Variants in PRUNE1 observed in about 807,000 individuals in gnomAD.
The protein encoded by PRUNE1 is exopolyphosphatase PRUNE1.
In PRUNE1, 25 loss-of-function variants were observed where a neutral mutation model predicts 42.5. The observed-to-expected ratio is 0.59, with a 90% confidence interval of 0.43 to 0.82. The LOEUF (loss-of-function observed/expected upper bound fraction) is 0.82, where lower values mean the gene tolerates loss of function less well. Ranked by LOEUF, PRUNE1 falls within the 40% of genes least tolerant of loss-of-function variation. PRUNE1 has a pLI of 0.00. For missense variants in PRUNE1, 443 were observed against 539.3 expected (o/e 0.82, Z 1.77); for synonymous variants, 203 against 217.1 (o/e 0.93, Z 0.57).
rs746819002 is a variant in PRUNE1, at chr1:151,034,449, TTTA to T, written c.*221_*223del. 3 of 548,128 alleles carry T rather than the reference TTTA, an allele frequency of 5.5e-6. No homozygotes were observed. The highest frequency in any genetic ancestry group is 3.2e-6 in the Non-Finnish European group (1 of 309,560). The allele number at this position is 548,128 out of a possible 1,614,324, so 34.0% of individuals were successfully genotyped here. A position where few individuals can be genotyped will look rare whatever the true frequency, so the allele number is the denominator to read the frequency against. On this transcript the variant is annotated 3_prime_UTR_variant, in exon 8 of 8. Transcript: ENST00000271620. Reference sequence around the variant, plus strand: ...CCTAATCTCTACCAATCAGACACATTTTATTATTTAAATCTGCACCTCTCTCTA... The same window carrying T: ...CCTAATCTCTACCAATCAGACACATTTTATTTAAATCTGCACCTCTCTCTA...
intron 1 of PRUNE1, among the ~76,000 whole-genome samples, chr1:151,013,836 A>G (rs1432002253): frequency 6.6e-6 from 1 of 152,224 alleles, no homozygotes; most frequent in Non-Finnish European, 1.5e-5. Flanking sequence ...CAGGAAACAG[A>G]GGTCTCTGGT....
At position 151,027,253 on chromosome 1, in the gene PRUNE1, C is replaced by T; in HGVS notation, c.700C>T (p.Leu234=). The change falls in exon 6 of 8, where the codon CTG becomes TTG. Residue 234 remains leucine (L), a synonymous_variant. Coordinates refer to ENST00000271620, the MANE Select transcript of PRUNE1 (RefSeq NM_021222.3). ...TCTAGGACTGACCACTGAGCAGATGCTGAGAAAAGACCAGAAGACTATCTA... is the reference window on the plus strand; with the variant it reads ...TCTAGGACTGACCACTGAGCAGATGTTGAGAAAAGACCAGAAGACTATCTA... ...DVSGLTTEQM[L]RKDQKTIYRQ... is the part of the protein sequence containing the mutation. 1 of 1,610,374 alleles carries T rather than the reference C, an allele frequency of 6.2e-7. No homozygotes were observed. Among genetic ancestry groups the T allele is most frequent in the Non-Finnish European group, 8.5e-7 (1 of 1,176,814 alleles).
chr1:151,027,359 A>G, intron 6 of PRUNE1, 32 bp downstream of exon 6: 2 of 1,512,200 alleles, frequency 1.3e-6, no homozygotes, highest in Non-Finnish European at 9.2e-7. Context: ...GGGTGGGGAG[A>G]GAAAGCCTTT....
chr1:151,017,014 G>A (rs1430046054), intron 1 of PRUNE1, among the ~76,000 whole-genome samples: 1 of 150,186 alleles, frequency 6.7e-6, no homozygotes, highest in East Asian at 2.0e-4. Flanking sequence ...TACAAAATTA[G>A]CTAGGTGTGG....
chr1:151,010,516 G>C (rs1673710220), intron 1 of PRUNE1, among the ~76,000 whole-genome samples: 1 of 152,044 alleles, frequency 6.6e-6, no homozygotes, highest in South Asian at 2.1e-4. Flanking sequence ...TTTCAAACTT[G>C]TGAACTTGTG....
At chr1:151,008,828 G>C in intron 1 of PRUNE1, 157 bp downstream of exon 1, 1 of 941,400 alleles carries the variant, frequency 1.1e-6, no homozygotes, top group Non-Finnish European at 1.7e-6. Context: ...CATGAGGAGC[G>C]AGGAGCGAGA....
At chr1:151,031,443 T>TC (rs1223620488) in intron 7 of PRUNE1, among the ~76,000 whole-genome samples, 1 of 152,128 alleles carries the variant, frequency 6.6e-6, no homozygotes, top group Non-Finnish European at 1.5e-5. Flanking sequence ...AGCCTCAGCT[T>TC]CCCAGAGTTC....
intron 1 of PRUNE1, among the ~76,000 whole-genome samples, chr1:151,013,669 C>G (rs971483630): frequency 2.6e-5 from 4 of 152,144 alleles, no homozygotes; most frequent in Non-Finnish European, 2.9e-5. Context: ...TGTTTTTCCT[C>G]CAGTCAGGGC....
chr1:151,030,220 G>C (rs587670230), intron 7 of PRUNE1, among the ~76,000 whole-genome samples: 2 of 143,494 alleles, frequency 1.4e-5, no homozygotes, highest in Non-Finnish European at 3.0e-5. Flanking sequence ...CCGAGATTGC[G>C]CCACTGTACT....
intron 1 of PRUNE1, among the ~76,000 whole-genome samples, chr1:151,015,764 A>G (rs1045545913): frequency 6.6e-6 from 1 of 151,330 alleles, no homozygotes; most frequent in Non-Finnish European, 1.5e-5. Flanking sequence ...TGATTGCGCC[A>G]TGCACTCCAG....
chr1:151,027,491 A>C (rs1159837344), intron 6 of PRUNE1, among the ~76,000 whole-genome samples, 164 bp downstream of exon 6: 1 of 151,604 alleles, frequency 6.6e-6, no homozygotes, highest in Non-Finnish European at 1.5e-5. Flanking sequence ...CTCTCACTGC[A>C]CCGCTGTATT....
chr1:151,017,867 C>T lies in PRUNE1; in HGVS notation c.95C>T (p.Thr32Ile). 6.2e-7 allele frequency: 1 copy of T among 1,605,840 alleles called. No homozygotes were observed. Among genetic ancestry groups the T allele is most frequent in the Admixed American group, 1.7e-5 (1 of 59,980 alleles). ...LGNEACDLDS[T>I]VSALALAFYL... ...AATGAAGCCTGTGATTTGGACTCCA[C>T]AGTGTCTGCTCTTGCCCTGGCTTTT... Residue 32 changes from threonine (T) to isoleucine (I), a missense_variant, in exon 2 of 8, where the codon ACA becomes ATA. By Grantham distance (89) the Thr-to-Ile change is moderately conservative. Transcript: ENST00000271620.
At chr1:151,022,363 G>A (rs1043198734) in intron 3 of PRUNE1, among the ~76,000 whole-genome samples, 130 of 150,976 alleles carry the variant, frequency 8.6e-4, no homozygotes, top group East Asian at 1.4e-3. Flanking sequence ...GCCCGCCTCA[G>A]CCTCCCAAAG....
At position 151,012,563 on chromosome 1, in the gene PRUNE1, TG is replaced by T. The variant is rs587724129; in HGVS notation, c.39+3894del. The stretch of plus-strand genomic sequence containing the variant: ...TCTCAGAGCCACAAGTGCTAGAAGC[TG>T]GAGGTTTAGAGGAAGAGGATTTCTC... On this transcript the variant is annotated intron_variant, in intron 1 of 7. Coordinates refer to ENST00000271620, the MANE Select transcript of PRUNE1 (RefSeq NM_021222.3). Among the ~76,000 whole-genome samples the T allele has an allele frequency of 1.2e-4, 19 of 152,224 alleles. No homozygotes were observed. The East Asian group carries it at 3.5e-3, about 28-fold the overall frequency.
At chr1:151,009,756 T>G (rs368163060) in intron 1 of PRUNE1, among the ~76,000 whole-genome samples, 80 of 152,354 alleles carry the variant, frequency 5.3e-4, no homozygotes, top group African/African-American at 1.9e-3. Flanking sequence ...AGGTCCATTT[T>G]AACACCAATT....
chr1:151,011,227 G>T (rs1673753975), intron 1 of PRUNE1, among the ~76,000 whole-genome samples: 1 of 152,004 alleles, frequency 6.6e-6, no homozygotes, highest in Admixed American at 6.6e-5. Flanking sequence ...AAGACAGCTG[G>T]TAATCCAGCC....
intron 6 of PRUNE1, among the ~76,000 whole-genome samples, 181 bp from the exon 7 acceptor site, chr1:151,028,605 C>T (rs1558087599): frequency 6.6e-6 from 1 of 151,890 alleles, no homozygotes; most frequent in Admixed American, 6.6e-5. Context: ...TGTATTTTTA[C>T]CAGAGACAGG....
intron 3 of PRUNE1, among the ~76,000 whole-genome samples, chr1:151,019,271 T>C (rs376656630): frequency 3.3e-4 from 50 of 152,218 alleles, no homozygotes; most frequent in African/African-American, 1.2e-3. Context: ...TTTAAGATTT[T>C]GTGTGCCGGG....
chr1:151,021,243 G>A (rs953147887), intron 3 of PRUNE1, among the ~76,000 whole-genome samples: 1 of 151,640 alleles, frequency 6.6e-6, no homozygotes, highest in Non-Finnish European at 1.5e-5. Flanking sequence ...ATCACCTGAG[G>A]TCAGGAGTTT....
Sources: allele counts gnomAD v4.1 joint callset (sites outside exome capture counted in the v4.1 genomes callset), GRCh38; gene constraint gnomAD v4.1.1; transcripts MANE v1.5; gene names NCBI Gene and HGNC (gene_info 2026-07-23, HGNC 2026-07-21).